KIZ: variants seen among roughly 807,000 people sequenced by gnomAD.
KIZ encodes centrosomal protein kizuna.
KIZ carries 68 observed loss-of-function variants against 79.6 expected under a neutral mutation model. The observed-to-expected ratio is 0.85, with a 90% CI of 0.70 to 1.05. The LOEUF (loss-of-function observed/expected upper bound fraction) is 1.05, where lower values mean the gene tolerates loss of function less well. Among genes scored for constraint, KIZ ranks in the 50% least tolerant of loss-of-function variants. The pLI is 0.00. For missense variants in KIZ, 797 were observed against 800.4 expected, an observed-to-expected ratio of 1.00 and a Z score of 0.05; for synonymous variants, 280 against 281.8, an observed-to-expected ratio of 0.99 and a Z score of 0.06.
intron 4 of KIZ, chr20:21,154,088 T>C (rs2033252646): frequency 6.6e-6 from 1 of 152,228 alleles, no homozygotes; most frequent in Non-Finnish European, 1.5e-5. Flanking sequence ...AAGAACTTGC[T>C]TACATAGAAA....
chr20:21,234,648 G>A (rs554881626), intron 11 of KIZ, among the ~76,000 whole-genome samples: 4 of 151,922 alleles, frequency 2.6e-5, no homozygotes, highest in Non-Finnish European at 5.9e-5. Flanking sequence ...CTCGAAACCC[G>A]GTACTTGAGA....
At chr20:21,150,541 A>C (rs186013484) in intron 4 of KIZ, among the ~76,000 whole-genome samples, 31 of 152,354 alleles carry the variant, frequency 2.0e-4, no homozygotes, top group Middle Eastern at 3.4e-3. Flanking sequence ...GAGCCATGAC[A>C]AGTCAAAAAG....
At chr20:21,175,524 G>A (rs1036532348) in intron 6 of KIZ, among the ~76,000 whole-genome samples, 1 of 152,140 alleles carries the variant, frequency 6.6e-6, no homozygotes, top group Non-Finnish European at 1.5e-5. Flanking sequence ...TGGAGCAAAG[G>A]CAGGAGTTAG....
chr20:21,176,929 T>G (rs1428934258), intron 6 of KIZ, among the ~76,000 whole-genome samples: 3 of 152,222 alleles, frequency 2.0e-5, no homozygotes, highest in Admixed American at 2.0e-4. Flanking sequence ...TCAAGATGTG[T>G]GTCAAAATTT....
intron 7 of KIZ, chr20:21,214,084 T>G (rs966158627): frequency 6.5e-6 from 1 of 153,556 alleles, no homozygotes; most frequent in African/African-American, 2.4e-5. Context: ...GGTCACATCT[T>G]TCCGGATCTT....
At chr20:21,179,300 A>T in intron 6 of KIZ, among the ~76,000 whole-genome samples, 1 of 146,586 alleles carries the variant, frequency 6.8e-6, no homozygotes, top group South Asian at 2.1e-4. Flanking sequence ...TTTATTAATT[A>T]GTCTTGGTAT....
intron 6 of KIZ, among the ~76,000 whole-genome samples, chr20:21,188,624 A>C (rs1230122954): frequency 6.6e-6 from 1 of 151,438 alleles, no homozygotes; most frequent in Non-Finnish European, 1.5e-5. Flanking sequence ...TAAAGCGGTC[A>C]CTTTAGGTAG....
chr20:21,156,123 C>A (rs185598725), intron 4 of KIZ, among the ~76,000 whole-genome samples: 1 of 152,150 alleles, frequency 6.6e-6, no homozygotes, highest in Non-Finnish European at 1.5e-5. Flanking sequence ...AGAAAAGTTG[C>A]AGAGATAGTA....
At chr20:21,244,987 G>A (rs914754493) in intron 12 of KIZ, 2 of 152,366 alleles carry the variant, frequency 1.3e-5, no homozygotes, top group Non-Finnish European at 2.9e-5. Context: ...AGCCCAGTGA[G>A]CTCCTATTCA....
intron 2 of KIZ, among the ~76,000 whole-genome samples, chr20:21,136,060 C>T (rs2032167745): frequency 6.6e-6 from 1 of 152,168 alleles, no homozygotes; most frequent in Non-Finnish European, 1.5e-5. Flanking sequence ...ATTCGTCGAA[C>T]ATGTCCACAT....
chr20:21,150,472 G>A (rs1443420675), intron 4 of KIZ, among the ~76,000 whole-genome samples: 1 of 152,180 alleles, frequency 6.6e-6, no homozygotes, highest in Non-Finnish European at 1.5e-5. Context: ...TTGCCTTCAC[G>A]GGGAACGTGG....
intron 6 of KIZ, among the ~76,000 whole-genome samples, chr20:21,178,808 A>C (rs1358623539): frequency 1.3e-5 from 2 of 152,168 alleles, no homozygotes; most frequent in South Asian, 2.1e-4. Flanking sequence ...TCAAACAGTT[A>C]TTCTGTGTCT....
chr20:21,205,447 T>C, intron 6 of KIZ, 44 bp from the exon 7 acceptor site: 2 of 791,092 alleles, frequency 2.5e-6, no homozygotes, highest in Non-Finnish European at 4.1e-6. Flanking sequence ...GGGAATCTTA[T>C]AATATTACAA....
intron 6 of KIZ, among the ~76,000 whole-genome samples, chr20:21,171,048 T>G (rs2034184679): frequency 6.6e-6 from 1 of 152,226 alleles, no homozygotes; most frequent in Non-Finnish European, 1.5e-5. Flanking sequence ...CCATTTTGCA[T>G]TATCACTAGC....
chr20:21,192,358 C>T (rs2035146759), intron 6 of KIZ, among the ~76,000 whole-genome samples: 1 of 149,064 alleles, frequency 6.7e-6, no homozygotes, highest in Non-Finnish European at 1.5e-5. Flanking sequence ...CTATGTTGCC[C>T]AGGCTAGACT....
At chr20:21,214,477 A>G (rs2036203713) in intron 7 of KIZ, 58 bp from the exon 8 acceptor site, 1 of 1,269,432 alleles carries the variant, frequency 7.9e-7, no homozygotes, top group Non-Finnish European at 1.1e-6. Flanking sequence ...TTTGAGACCA[A>G]GAGGAATGTG....
intron 3 of KIZ, among the ~76,000 whole-genome samples, chr20:21,140,633 A>G (rs1457313907): frequency 6.6e-6 from 1 of 152,178 alleles, no homozygotes; most frequent in East Asian, 1.9e-4. Flanking sequence ...TGTTATATCT[A>G]TGCTGCTACT....
chr20:21,189,069 C>T (rs1164589269), intron 6 of KIZ, among the ~76,000 whole-genome samples: 1 of 152,072 alleles, frequency 6.6e-6, no homozygotes, highest in Non-Finnish European at 1.5e-5. Context: ...GTCTCAAACT[C>T]CTAGGTTCAA....
At chr20:21,146,295 C>CT (rs3834756) in intron 4 of KIZ, among the ~76,000 whole-genome samples, 87,693 of 151,944 alleles carry the variant, frequency 0.58, 26,867 homozygotes, top group South Asian at 0.78. Context: ...TCACTTGTGA[C>CT]TATGTGTGAA....
Sources: gnomAD v4.1 joint callset for allele counts (sites outside exome capture counted in the v4.1 genomes callset) on GRCh38, gnomAD v4.1.1 for gene constraint, MANE v1.5 for transcripts, NCBI Gene and HGNC (gene_info 2026-07-23, HGNC 2026-07-21) for gene names.